Variants in SPOCK1 observed in about 807,000 individuals in gnomAD.
SPOCK1 encodes SPARC (osteonectin), cwcv and kazal like domains proteoglycan 1.
In SPOCK1, 23 loss-of-function variants were observed where a neutral mutation model predicts 55.3. The observed-to-expected ratio is 0.42, with a 90% CI of 0.30 to 0.59. SPOCK1 has a LOEUF of 0.59. Among genes scored for constraint, SPOCK1 ranks in the 20% least tolerant of loss-of-function variants. The probability of loss-of-function intolerance (pLI) is 0.22; values close to 1 mark genes in which losing one functional copy is unlikely to be tolerated. For synonymous variants in SPOCK1, 226 were observed against 221.0 expected, an observed-to-expected ratio of 1.02 and a Z score of -0.20; for missense variants, 499 against 552.5, an observed-to-expected ratio of 0.90 and a Z score of 0.97.
rs766902887 is a variant in SPOCK1 at position 136,988,532 on chromosome 5, T to C, written c.818A>G (p.Tyr273Cys). ...GATACAGGGCTCGTACTTATCCAGG[T>C]AGATGGCATTGATCTCTGAAGGGTC... ...LLDPSEINAIYLDKYEPCIKP... is the reference protein window; with the variant it reads ...LLDPSEINAICLDKYEPCIKP... Residue 273 changes from tyrosine (Y) to cysteine (C), a missense_variant, in exon 8 of 11, where the codon TAC (tyrosine) becomes TGC (cysteine). By Grantham distance (194) the Tyr-to-Cys change is radical (BLOSUM62 -2). Around this residue, in one of 3 missense-constraint regions of SPOCK1, gnomAD observed 386 missense variants for 400.6 expected, o/e 0.96. Coordinates refer to ENST00000394945, the MANE Select transcript of SPOCK1 (RefSeq NM_004598.4). The C allele has an allele frequency of 6.2e-7, 1 of 1,614,134 alleles. No homozygotes were observed. Among genetic ancestry groups the C allele is most frequent in the Non-Finnish European group, 8.5e-7 (1 of 1,180,002 alleles).
At chr5:137,473,160 T>C (rs780843827) in intron 2 of SPOCK1, among the ~76,000 whole-genome samples, 24 of 152,138 alleles carry the variant, frequency 1.6e-4, no homozygotes, top group Non-Finnish European at 2.2e-4. Flanking sequence ...TGCACAAGAT[T>C]ATTCACTCAC....
chr5:137,056,648 G>T (rs1752306418), intron 6 of SPOCK1, among the ~76,000 whole-genome samples: 1 of 151,024 alleles, frequency 6.6e-6, no homozygotes, highest in Non-Finnish European at 1.5e-5. Context: ...AGTATTTCTT[G>T]GCTGCGGCTA....
At chr5:137,320,522 T>C (rs1168939867) in intron 2 of SPOCK1, among the ~76,000 whole-genome samples, 1 of 152,204 alleles carries the variant, frequency 6.6e-6, no homozygotes, top group Non-Finnish European at 1.5e-5. Flanking sequence ...CTTAGAGTGC[T>C]GACAGACTTA....
intron 5 of SPOCK1, among the ~76,000 whole-genome samples, chr5:137,108,097 C>G (rs543952310): frequency 6.6e-6 from 1 of 152,200 alleles, no homozygotes; most frequent in African/African-American, 2.4e-5. Context: ...TGCTCCTTTA[C>G]AGTTAACTAA....
chr5:137,131,989 A>AAAAAAAAAAAAT (rs1391176339), intron 4 of SPOCK1, among the ~76,000 whole-genome samples: 2 of 36,070 alleles, frequency 5.5e-5, no homozygotes, highest in African/African-American at 1.9e-4. Flanking sequence ...AAAAAAAAAA[A>AAAAAAAAAAAAT]ATATATATAT....
intron 2 of SPOCK1, among the ~76,000 whole-genome samples, chr5:137,384,350 C>T (rs1442428069): frequency 6.6e-6 from 1 of 152,184 alleles, no homozygotes; most frequent in African/African-American, 2.4e-5. Flanking sequence ...CCTGCTCTAC[C>T]AGTCTAAAGT....
At chr5:137,217,369 A>AATGTGC (rs1561474686) in intron 3 of SPOCK1, among the ~76,000 whole-genome samples, 1 of 152,158 alleles carries the variant, frequency 6.6e-6, no homozygotes, top group Non-Finnish European at 1.5e-5. Flanking sequence ...AGAGTTCAAG[A>AATGTGC]ATGTGCTGGA....
intron 2 of SPOCK1, among the ~76,000 whole-genome samples, chr5:137,340,314 C>A (rs2127155680): frequency 6.6e-6 from 1 of 152,310 alleles, no homozygotes; most frequent in Admixed American, 6.5e-5. Flanking sequence ...CTTCTGACCC[C>A]TTCCTGGAAC....
intron 3 of SPOCK1, among the ~76,000 whole-genome samples, chr5:137,143,782 C>T (rs745325109): frequency 1.3e-5 from 2 of 152,278 alleles, no homozygotes; most frequent in South Asian, 2.1e-4. Context: ...TGGATTACCA[C>T]ATTTAATTTT....
At chr5:137,453,402 G>C (rs1424801789) in intron 2 of SPOCK1, among the ~76,000 whole-genome samples, 1 of 152,150 alleles carries the variant, frequency 6.6e-6, no homozygotes, top group Non-Finnish European at 1.5e-5. Context: ...ATGAAAACAC[G>C]AGCTTTATCT....
intron 2 of SPOCK1, among the ~76,000 whole-genome samples, chr5:137,404,502 T>C (rs1169224068): frequency 6.6e-6 from 1 of 150,406 alleles, no homozygotes; most frequent in Admixed American, 6.7e-5. Flanking sequence ...CTCTGTCTCC[T>C]GGGTTCAAGC....
chr5:137,107,870 C>T (rs1026085424), intron 5 of SPOCK1, among the ~76,000 whole-genome samples: 4 of 152,152 alleles, frequency 2.6e-5, no homozygotes, highest in East Asian at 3.8e-4. Context: ...AAACAATTCA[C>T]CTGGAAAAAT....
At chr5:137,144,568 A>G (rs1419111859) in intron 3 of SPOCK1, among the ~76,000 whole-genome samples, 3 of 152,206 alleles carry the variant, frequency 2.0e-5, no homozygotes, top group Non-Finnish European at 4.4e-5. Flanking sequence ...TGTTTTTGAG[A>G]AACAGCAACA....
At chr5:137,378,301 G>GATGC (rs1261022430) in intron 2 of SPOCK1, among the ~76,000 whole-genome samples, 1 of 152,224 alleles carries the variant, frequency 6.6e-6, no homozygotes, top group African/African-American at 2.4e-5. Flanking sequence ...GGGAGACTCA[G>GATGC]ATGCTTGAGT....
intron 6 of SPOCK1, among the ~76,000 whole-genome samples, chr5:137,055,237 G>A (rs73790676): frequency 0.011 from 1,600 of 152,292 alleles, 37 homozygotes; most frequent in African/African-American, 0.037. Context: ...CCACTTAAGG[G>A]AGAAAGAGCA....
intron 2 of SPOCK1, among the ~76,000 whole-genome samples, chr5:137,305,099 C>A (rs1757680022): frequency 6.6e-6 from 1 of 152,204 alleles, no homozygotes; most frequent in Non-Finnish European, 1.5e-5. Context: ...TTACACTCAT[C>A]ATTCCAATTT....
At chr5:137,347,879 C>T (rs964119967) in intron 2 of SPOCK1, among the ~76,000 whole-genome samples, 2 of 152,196 alleles carry the variant, frequency 1.3e-5, no homozygotes, top group African/African-American at 2.4e-5. Context: ...AGCATTTTCA[C>T]ACTATATTTG....
At chr5:137,425,973 A>G (rs1752602338) in intron 2 of SPOCK1, among the ~76,000 whole-genome samples, 1 of 151,868 alleles carries the variant, frequency 6.6e-6, no homozygotes, top group Non-Finnish European at 1.5e-5. Context: ...GAAAAAAAAA[A>G]AAAAAAAAAA....
intron 2 of SPOCK1, among the ~76,000 whole-genome samples, chr5:137,294,165 T>A (rs10039368): frequency 6.6e-6 from 1 of 152,312 alleles, no homozygotes; most frequent in East Asian, 1.9e-4. Context: ...TGGCCACATA[T>A]GTCTTTTGGC....
Sources: gnomAD v4.1 joint callset for allele counts (sites outside exome capture counted in the v4.1 genomes callset) on GRCh38, gnomAD v4.1.1 for gene constraint, gnomAD v4.1.1 regional missense constraint, MANE v1.5 for transcripts, NCBI Gene and HGNC (gene_info 2026-07-23, HGNC 2026-07-21) for gene names.